Variants in EML6 observed in about 807,000 individuals in gnomAD.
EML6 encodes the protein EMAP like 6, also known as echinoderm microtubule-associated protein-like 6.
Under a neutral mutation model 240.1 loss-of-function variants are expected in EML6, and 154 were observed. The observed-to-expected ratio is 0.64, with a 90% CI of 0.56 to 0.73. The LOEUF is 0.73. EML6 is among the 30% of genes least tolerant of loss of function. The pLI is 0.00. For missense variants in EML6, 2,964 were observed against 2,474.6 expected (o/e 1.20, Z -4.20); for synonymous variants, 1,148 against 899.0 (o/e 1.28, Z -4.95).
intron 2 of EML6, among the ~76,000 whole-genome samples, chr2:54,738,997 C>T (rs976229649): frequency 6.6e-6 from 1 of 152,170 alleles, no homozygotes; most frequent in African/African-American, 2.4e-5. Context: ...AATCCCAGCA[C>T]TTTGGGAGGC....
At chr2:54,963,637 C>T (rs375028120) in intron 36 of EML6, among the ~76,000 whole-genome samples, 1 of 152,180 alleles carries the variant, frequency 6.6e-6, no homozygotes, top group South Asian at 2.1e-4. Flanking sequence ...TCTACAAGTC[C>T]AGCTGCCCTC....
intron 17 of EML6, chr2:54,881,160 CTGTTT>C (rs1671788291): frequency 6.6e-6 from 1 of 152,070 alleles, no homozygotes; most frequent in Non-Finnish European, 1.5e-5. Context: ...TTAGCCAGTG[CTGTTT>C]CCAAGCAGGA....
At chr2:54,769,414 G>C (rs1239559184) in intron 2 of EML6, among the ~76,000 whole-genome samples, 1 of 152,160 alleles carries the variant, frequency 6.6e-6, no homozygotes, top group Non-Finnish European at 1.5e-5. Context: ...GGATGGGTAT[G>C]TTTAAGTACA....
chr2:54,844,869 T>C (rs1669665390), intron 8 of EML6, among the ~76,000 whole-genome samples: 1 of 152,204 alleles, frequency 6.6e-6, no homozygotes, highest in African/African-American at 2.4e-5. Context: ...AGTATTTTTG[T>C]ACCTATTAAA....
intron 35 of EML6, among the ~76,000 whole-genome samples, chr2:54,961,236 G>GTAC (rs1676499220): frequency 8.2e-6 from 1 of 122,600 alleles, no homozygotes; most frequent in Non-Finnish European, 1.6e-5. Flanking sequence ...CCCAGGGGGA[G>GTAC]TACTGTGGCA....
chr2:54,827,552 C>T lies in EML6; in HGVS notation c.526-14C>T. The stretch of plus-strand genomic sequence containing the variant: ...ACTCTATCTTGGAGATCTATTTTAT[C>T]ACTTACATTGTAGTTTTGGACACTG... On this transcript the variant is annotated splice_polypyrimidine_tract_variant and intron_variant, in intron 5 of 41. Coordinates refer to ENST00000356458, the MANE Select transcript of EML6 (RefSeq NM_001039753.4). 6.5e-7 allele frequency: 1 copy of T among 1,547,162 alleles called. No individual in the cohort carries two copies. Among genetic ancestry groups the T allele is most frequent in the East Asian group, 2.4e-5 (1 of 40,882 alleles).
chr2:54,746,804 C>A (rs991172422), intron 2 of EML6, among the ~76,000 whole-genome samples: 1 of 152,022 alleles, frequency 6.6e-6, no homozygotes, highest in African/African-American at 2.4e-5. Flanking sequence ...TTTCTGGGTA[C>A]CACACAAAAA....
intron 2 of EML6, among the ~76,000 whole-genome samples, chr2:54,802,772 C>G (rs536015834): frequency 3.5e-4 from 54 of 152,154 alleles, no homozygotes; most frequent in Admixed American, 6.5e-4. Context: ...TGTCTCACAC[C>G]CTGTGCTGAG....
Position 54,774,638 on chromosome 2 carries a change from T to A in EML6, c.198-38594T>A, listed in dbSNP as rs950687149. ...TTTTGCAAGAGGACCTGGCTTATGG[T>A]AAGCATCCAATCTATCTTAGATGTG... On this transcript the variant is annotated intron_variant, in intron 2 of 41. Transcript: ENST00000356458. This position sits in a 1 kb window ranked among gnomAD's most constrained non-coding sequence, Gnocchi z 4.1. 3.9e-5 allele frequency among the ~76,000 whole-genome samples: 6 copies of A among 152,252 alleles called. No individual in the cohort carries two copies. Among genetic ancestry groups the A allele is most frequent in the Non-Finnish European group, 1.5e-5 (1 of 68,048 alleles).
intron 28 of EML6, among the ~76,000 whole-genome samples, chr2:54,941,366 G>T (rs1041052469): frequency 6.6e-6 from 1 of 151,988 alleles, no homozygotes; most frequent in Non-Finnish European, 1.5e-5. Flanking sequence ...TTTCAAGCTC[G>T]CCTGAGGCAT....
At position 54,890,985 on chromosome 2, in the gene EML6, C is replaced by A. The variant is rs570362516; in HGVS notation, c.2439-69C>A. ...GATGTGCTTAAAATTAGACCAAATG[C>A]ATGCTTTTAATAAAACTGTTACTGC... On this transcript the variant is annotated intron_variant, in intron 17 of 41. Coordinates refer to ENST00000356458, the MANE Select transcript of EML6 (RefSeq NM_001039753.4). 8.2e-6 allele frequency: 6 copies of A among 735,658 alleles called. No individual in the cohort carries two copies. The East Asian group carries it at 1.4e-4, about 17-fold the overall frequency. The allele number at this position is 735,658 out of a possible 1,614,324, so 45.6% of individuals were successfully genotyped here.
chr2:54,876,761 A>G (rs1357176116), intron 16 of EML6, among the ~76,000 whole-genome samples: 1 of 152,204 alleles, frequency 6.6e-6, no homozygotes, highest in Non-Finnish European at 1.5e-5. Context: ...ATTTCAGTAC[A>G]TGTATATATT....
At chr2:54,893,275 C>T (rs937581718) in intron 19 of EML6, among the ~76,000 whole-genome samples, 1 of 152,118 alleles carries the variant, frequency 6.6e-6, no homozygotes, top group Admixed American at 6.5e-5. Flanking sequence ...ATTTCTGAGA[C>T]TAGGTACTTT....
At chr2:54,828,056 C>A (rs1369488777) in intron 6 of EML6, among the ~76,000 whole-genome samples, 2 of 152,170 alleles carry the variant, frequency 1.3e-5, no homozygotes, top group African/African-American at 4.8e-5. Context: ...TTTAATGTGC[C>A]CATGAGTTTC....
intron 13 of EML6, 35 bp downstream of exon 13, chr2:54,863,924 C>G (rs1670822817): frequency 8.7e-7 from 1 of 1,143,004 alleles, no homozygotes; most frequent in South Asian, 1.4e-5. Context: ...ATTTGTAACC[C>G]CAGAAGGGGA....
At chr2:54,932,524 C>T (rs928542702) in intron 28 of EML6, among the ~76,000 whole-genome samples, 1 of 152,180 alleles carries the variant, frequency 6.6e-6, no homozygotes, top group Admixed American at 6.5e-5. Context: ...ACACCTCTTA[C>T]TCTCAACTTT....
chr2:54,893,990 T>G (rs1672621752), intron 19 of EML6, among the ~76,000 whole-genome samples: 2 of 152,188 alleles, frequency 1.3e-5, no homozygotes, highest in Non-Finnish European at 2.9e-5. Flanking sequence ...TAAATTAAGC[T>G]GCAAAATCAT....
chr2:54,953,694 C>G (rs1264463949), intron 31 of EML6, among the ~76,000 whole-genome samples: 1 of 152,106 alleles, frequency 6.6e-6, no homozygotes, highest in Non-Finnish European at 1.5e-5. Flanking sequence ...TGAGACCAGC[C>G]TGGCCAACAT....
chr2:54,808,356 C>G (rs1670605993), intron 2 of EML6, among the ~76,000 whole-genome samples: 1 of 152,198 alleles, frequency 6.6e-6, no homozygotes, highest in Admixed American at 6.5e-5. Flanking sequence ...GGTTGGGTCA[C>G]TCCCCCTTCA....
Sources: gnomAD v4.1 joint callset for allele counts (sites outside exome capture counted in the v4.1 genomes callset) on GRCh38, gnomAD v4.1.1 for gene constraint, Gnocchi (gnomAD v3.1) non-coding constraint, MANE v1.5 for transcripts, NCBI Gene and HGNC (gene_info 2026-07-23, HGNC 2026-07-21) for gene names.